Variants in ARMCX5 observed in about 807,000 individuals in gnomAD.
ARMCX5 encodes the protein armadillo repeat containing X-linked 5.
In ARMCX5, 1 loss-of-function variant was observed where a neutral mutation model predicts 7.5. The observed-to-expected ratio is 0.13, with a 90% CI of 0.05 to 0.63. The LOEUF (loss-of-function observed/expected upper bound fraction) is 0.63, where lower values mean the gene tolerates loss of function less well. Among genes scored for constraint, ARMCX5 ranks in the 30% least tolerant of loss-of-function variants. ARMCX5 has a pLI of 0.86. For missense variants in ARMCX5, 346 were observed against 402.2 expected (o/e 0.86, Z 1.19); for synonymous variants, 149 against 145.7 (o/e 1.02, Z -0.16).
chrX:102,601,306 G>A, intron 2 of ARMCX5, 158 bp from the exon 3 acceptor site: 1 of 111,742 alleles, frequency 8.9e-6, no homozygotes, highest in Non-Finnish European at 1.9e-5. Flanking sequence ...ATAGGAAGGA[G>A]GAGGAGGAGT....
In ARMCX5 at chrX:102,602,651, A is replaced by G; in HGVS notation, c.510A>G (p.Ile170Met). Reference protein sequence around the residue: ...MKSSDEDEENICSWFWTGEEP... With the variant: ...MKSSDEDEENMCSWFWTGEEP... ...CCAGTGATGAGGATGAAGAAAATAT[A>G]TGCTCCTGGTTCTGGACTGGAGAAG... The change falls in exon 4 of 4, where the codon ATA becomes ATG. Residue 170 changes from isoleucine to methionine, a missense_variant. Transcript: ENST00000473968. 2 of 1,211,110 alleles carry G rather than the reference A, an allele frequency of 1.7e-6. No homozygotes were observed. The highest frequency in any genetic ancestry group is 2.2e-6 in the Non-Finnish European group (2 of 895,022).
intron 1 of ARMCX5, 113 bp from the exon 2 acceptor site, chrX:102,600,807 G>C (rs1007671313): frequency 7.2e-5 from 8 of 110,719 alleles, no homozygotes; most frequent in Non-Finnish European, 1.9e-5. Context: ...TTGCCAAACA[G>C]GTACTTATAT....
In ARMCX5 at chrX:102,603,720, C is replaced by G. The variant is rs200184974; in HGVS notation, c.1579C>G (p.Gln527Glu). Residue 527 changes from glutamine (Q) to glutamate (E), a missense_variant, in exon 4 of 4, where the codon CAG becomes GAG. By Grantham distance (29) the Gln-to-Glu change is conservative. Around this residue, in one of 3 missense-constraint regions of ARMCX5, gnomAD observed 139 missense variants for 141.1 expected, o/e 0.99. Transcript: ENST00000473968. ...TAAATCTGAGCTTATTTCAATATTC[C>G]AGGAAGCAAAACAGTTTGGTCAGAA... ...FTKSELISIF[Q>E]EAKQFGQKLQ... The G allele has an allele frequency of 4.7e-4, 569 of 1,205,345 alleles. 3 individuals carry two copies. The highest frequency in any genetic ancestry group is 7.7e-5 in the Non-Finnish European group (69 of 892,495).
In ARMCX5 at chrX:102,603,351, C is replaced by G; in HGVS notation, c.1210C>G (p.Pro404Ala). The G allele has an allele frequency of 1.7e-6, 2 of 1,210,189 alleles. No homozygotes were observed. The highest frequency in any genetic ancestry group is 2.2e-6 in the Non-Finnish European group (2 of 894,598). ...HQVCKGIISC[P>A]LNSPVQLAGL... ...AGTTTGTAAAGGCATAATCTCTTGCCCCTTGAACTCCCCTGTGCAGCTGGC... is the reference window on the plus strand; with the variant it reads ...AGTTTGTAAAGGCATAATCTCTTGCGCCTTGAACTCCCCTGTGCAGCTGGC... The change falls in exon 4 of 4, where the codon CCC becomes GCC. Residue 404 changes from proline to alanine, a missense_variant. Coordinates refer to ENST00000473968, the MANE Select transcript of ARMCX5 (RefSeq NM_001168478.2).
rs866549595 is a variant in ARMCX5 at position 102,602,693 on chromosome X, C to T, written c.552C>T (p.Ser184=). ...CTGGAGAAGAGCCTAGTGTAGGGTC[C>T]TGGTTCTGGCCTGAAGAAGAGACCT... ...FWTGEEPSVG[S]WFWPEEETSL... is the part of the protein sequence containing the mutation. Residue 184 remains serine (S), a synonymous_variant, in exon 4 of 4, where the codon TCC becomes TCT. Coordinates refer to ENST00000473968, the MANE Select transcript of ARMCX5 (RefSeq NM_001168478.2). The T allele has an allele frequency of 8.3e-7, 1 of 1,210,928 alleles. No homozygotes were observed. The highest frequency in any genetic ancestry group is 1.8e-5 in the South Asian group (1 of 56,934).
At chrX:102,600,209 G>C (rs1238388583) in intron 1 of ARMCX5, 1 of 109,035 alleles carries the variant, frequency 9.2e-6, no homozygotes, top group Non-Finnish European at 1.9e-5. Context: ...GATTTGAAAA[G>C]GGTCTCATGT....
In ARMCX5 at chrX:102,602,899, C is replaced by T. The variant is rs765132384; in HGVS notation, c.758C>T (p.Thr253Ile). ...GAAGGAAACTGGACCCTGGTTGAGA[C>T]CTTGATTGAAACTCCTCTGGGGATT... ...PPEGNWTLVE[T>I]LIETPLGIRP... The change falls in exon 4 of 4, where the codon ACC (threonine) becomes ATC (isoleucine). Residue 253 changes from threonine to isoleucine, a missense_variant. This residue lies in a region of ARMCX5 where 204 missense variants were observed against 244.3 expected (regional missense o/e 0.83). Coordinates refer to ENST00000473968, the MANE Select transcript of ARMCX5 (RefSeq NM_001168478.2). The T allele has an allele frequency of 2.5e-6, 3 of 1,209,403 alleles. No homozygotes were observed. In the Admixed American group the frequency reaches 6.6e-5, roughly 26 times the overall value.
chrX:102,601,908 C>T lies in ARMCX5; in HGVS notation c.-234C>T. On this transcript the variant is annotated 5_prime_UTR_variant, in exon 4 of 4. Coordinates refer to ENST00000473968, the MANE Select transcript of ARMCX5 (RefSeq NM_001168478.2). ...CTACTTCAGTGGCAGATCTGGTGGC[C>T]TTGGAGTGGCTGAAGACCACCACCC... is the stretch of plus-strand genomic sequence containing the variant. 1 of 391,795 alleles carries T rather than the reference C, an allele frequency of 2.6e-6. No homozygotes were observed. The highest frequency in any genetic ancestry group is 4.4e-6 in the Non-Finnish European group (1 of 226,427). 32.3% of individuals were successfully genotyped at this position (391,795 alleles called of 1,213,427 possible). A position where few individuals can be genotyped will look rare whatever the true frequency, so the allele number is the denominator to read the frequency against.
At chrX:102,601,849 T>C (rs923529474) in intron 3 of ARMCX5, 31 bp from the exon 4 acceptor site, 10 of 325,347 alleles carry the variant, frequency 3.1e-5, no homozygotes, top group Non-Finnish European at 5.3e-5. Context: ...TGGAAGAGAC[T>C]CAAAGCCCCA....
Position 102,601,941 on chromosome X carries a change from G to T in ARMCX5, c.-201G>T. 3 of 438,098 alleles carry T rather than the reference G, an allele frequency of 6.8e-6. No homozygotes were observed. Among genetic ancestry groups the T allele is most frequent in the Non-Finnish European group, 1.2e-5 (3 of 252,193 alleles). The allele number at this position is 438,098 out of a possible 1,213,427, so 36.1% of individuals were successfully genotyped here. On this transcript the variant is annotated 5_prime_UTR_variant, in exon 4 of 4. Transcript: ENST00000473968. ...GGCTGAAGACCACCACCCTCCACAGGGCTGGGCCCATGCACAGCCATCCTT... is the reference window on the plus strand; with the variant it reads ...GGCTGAAGACCACCACCCTCCACAGTGCTGGGCCCATGCACAGCCATCCTT...
Position 102,603,277 on chromosome X carries a change from G to A in ARMCX5, c.1136G>A (p.Ser379Asn), listed in dbSNP as rs1383003699. The change falls in exon 4 of 4, where the codon AGC (serine) becomes AAC (asparagine). Residue 379 changes from serine to asparagine, a missense_variant. Ser to Asn is a conservative substitution (Grantham distance 46, BLOSUM62 1). Transcript: ENST00000473968. ...GGAGCTTTAAGTATGGTGGATGACA[G>A]CTCTGAGTCTTCCGAAGAACCAAAA... The part of the protein sequence containing the change: ...HPGALSMVDD[S>N]SESSEEPKSG... The A allele has an allele frequency of 1.7e-6, 2 of 1,211,514 alleles. No homozygotes were observed. Among genetic ancestry groups the A allele is most frequent in the East Asian group, 3.0e-5 (1 of 33,845 alleles).
Position 102,603,129 on chromosome X carries a change from A to G in ARMCX5, c.988A>G (p.Ile330Val). The G allele has an allele frequency of 8.3e-7, 1 of 1,210,470 alleles. No individual in the cohort carries two copies. The highest frequency in any genetic ancestry group is 1.1e-6 in the Non-Finnish European group (1 of 894,319). The change falls in exon 4 of 4, where the codon ATA becomes GTA. Residue 330 changes from isoleucine to valine, a missense_variant. Ile to Val is a conservative substitution (Grantham distance 29, BLOSUM62 3). This residue lies in a region of ARMCX5 where 204 missense variants were observed against 244.3 expected (regional missense o/e 0.83). Coordinates refer to ENST00000473968, the MANE Select transcript of ARMCX5 (RefSeq NM_001168478.2). ...AACTAAGGATCCTTTCATTCATGAAATAGCTACAATGATAATGGGCATCAG... is the reference window on the plus strand; with the variant it reads ...AACTAAGGATCCTTTCATTCATGAAGTAGCTACAATGATAATGGGCATCAG... ...KLTKDPFIHE[I>V]ATMIMGISPA... is the part of the protein sequence containing the mutation.
At chrX:102,601,647 C>T (rs1467259369) in intron 3 of ARMCX5, 138 bp downstream of exon 3, 1 of 117,376 alleles carries the variant, frequency 8.5e-6, no homozygotes, top group East Asian at 2.7e-4. Context: ...GATTCCTCAG[C>T]TTCTCATCCA....
At position 102,601,866 on chromosome X, in the gene ARMCX5, T is replaced by G; in HGVS notation, c.-262-14T>G. On this transcript the variant is annotated splice_polypyrimidine_tract_variant and intron_variant, in intron 3 of 3. Coordinates refer to ENST00000473968, the MANE Select transcript of ARMCX5 (RefSeq NM_001168478.2). The stretch of plus-strand genomic sequence containing the variant: ...GAAGAGACTCAAAGCCCCATTTCCT[T>G]CCTCCACCCCTAGGTCCTACTTCAG... 1 of 344,677 alleles carries G rather than the reference T, an allele frequency of 2.9e-6. No homozygotes were observed. Among genetic ancestry groups the G allele is most frequent in the Non-Finnish European group, 5.0e-6 (1 of 198,931 alleles). The allele number at this position is 344,677 out of a possible 1,213,427, so 28.4% of individuals were successfully genotyped here.
Position 102,603,126 on chromosome X carries a change from G to A in ARMCX5, c.985G>A (p.Glu329Lys). 2 of 1,210,405 alleles carry A rather than the reference G, an allele frequency of 1.7e-6. No homozygotes were observed. Among genetic ancestry groups the A allele is most frequent in the Non-Finnish European group, 2.2e-6 (2 of 894,314 alleles). Reference sequence around the variant, plus strand: ...GTTAACTAAGGATCCTTTCATTCATGAAATAGCTACAATGATAATGGGCAT... The same window carrying A: ...GTTAACTAAGGATCCTTTCATTCATAAAATAGCTACAATGATAATGGGCAT... ...LKLTKDPFIHEIATMIMGISP... is the reference protein window; with the variant it reads ...LKLTKDPFIHKIATMIMGISP... Residue 329 changes from glutamate (E) to lysine (K), a missense_variant, in exon 4 of 4, where the codon GAA becomes AAA. By Grantham distance (56) the Glu-to-Lys change is moderately conservative. Coordinates refer to ENST00000473968, the MANE Select transcript of ARMCX5 (RefSeq NM_001168478.2).
At position 102,603,625 on chromosome X, in the gene ARMCX5, T is replaced by C; in HGVS notation, c.1484T>C (p.Ile495Thr). ...NESKANILNI[I>T]EIFENINFQF... is the part of the protein sequence containing the mutation. ...TCAAAGGCCAATATTCTTAATATTA[T>C]TGAAATATTTGAGAATATAAATTTT... Residue 495 changes from isoleucine (I) to threonine (T), a missense_variant, in exon 4 of 4, where the codon ATT becomes ACT. Coordinates refer to ENST00000473968, the MANE Select transcript of ARMCX5 (RefSeq NM_001168478.2). The C allele has an allele frequency of 1.7e-6, 2 of 1,189,538 alleles. No individual in the cohort carries two copies. Among genetic ancestry groups the C allele is most frequent in the Non-Finnish European group, 2.3e-6 (2 of 878,998 alleles).
Position 102,603,818 on chromosome X carries a change from AATAC to A in ARMCX5, c.*1_*4del. 9.1e-7 allele frequency: 1 copy of A among 1,098,890 alleles called. No individual in the cohort carries two copies. 90.6% of individuals were successfully genotyped at this position (1,098,890 alleles called of 1,213,427 possible). ...TCATACGATTAATACTAAAACTCTG[AATAC>A]CCCTCTGTTCTCATAAAGCCTCAAA... On this transcript the variant is annotated 3_prime_UTR_variant, in exon 4 of 4. Coordinates refer to ENST00000473968, the MANE Select transcript of ARMCX5 (RefSeq NM_001168478.2).
At chrX:102,600,237 C>T (rs1018040102) in intron 1 of ARMCX5, 6 of 109,847 alleles carry the variant, frequency 5.5e-5, no homozygotes, top group Non-Finnish European at 9.5e-5. Context: ...ACTGGTCTGA[C>T]CATTAATAAC....
rs765848046 is a variant in ARMCX5 at position 102,603,514 on chromosome X, G to A, written c.1373G>A (p.Cys458Tyr). 3 of 1,210,199 alleles carry A rather than the reference G, an allele frequency of 2.5e-6. No homozygotes were observed. In the Admixed American group the frequency reaches 6.5e-5, roughly 26 times the overall value. Reference sequence around the variant, plus strand: ...TTTTATGTTTTAAAAGTGTTTTCGTGTTTGTCTAAAAATCACGCCAATACA... The same window carrying A: ...TTTTATGTTTTAAAAGTGTTTTCGTATTTGTCTAAAAATCACGCCAATACA... ...TKFYVLKVFS[C>Y]LSKNHANTRE... Residue 458 changes from cysteine (C) to tyrosine (Y), a missense_variant, in exon 4 of 4, where the codon TGT (cysteine) becomes TAT (tyrosine). By Grantham distance (194) the Cys-to-Tyr change is radical (BLOSUM62 -2). Coordinates refer to ENST00000473968, the MANE Select transcript of ARMCX5 (RefSeq NM_001168478.2).
Sources: allele counts gnomAD v4.1 joint callset, GRCh38; gene constraint gnomAD v4.1.1; regional missense constraint gnomAD v4.1.1; transcripts MANE v1.5; gene names NCBI Gene and HGNC (gene_info 2026-07-23, HGNC 2026-07-21).